SH3GL2: variants seen among roughly 807,000 people sequenced by gnomAD.
SH3GL2 encodes SH3 domain containing GRB2 like 2, endophilin A1.
SH3GL2 carries 24 observed loss-of-function variants against 46.0 expected under a neutral mutation model. The observed-to-expected ratio is 0.52, with a 90% CI of 0.38 to 0.73. The LOEUF (loss-of-function observed/expected upper bound fraction) is 0.73, where lower values mean the gene tolerates loss of function less well. SH3GL2 is among the 30% of genes least tolerant of loss of function. The pLI is 0.00. For synonymous variants in SH3GL2, 196 were observed against 147.1 expected, an observed-to-expected ratio of 1.33 and a Z score of -2.40; for missense variants, 413 against 424.2, an observed-to-expected ratio of 0.97 and a Z score of 0.23.
At chr9:17,760,156 A>G (rs1014275066) in intron 2 of SH3GL2, among the ~76,000 whole-genome samples, 4 of 152,308 alleles carry the variant, frequency 2.6e-5, no homozygotes, top group Non-Finnish European at 2.9e-5. Context: ...TGAATCAATC[A>G]AAAGGATATT....
chr9:17,694,299 A>G (rs1407842472), intron 1 of SH3GL2, among the ~76,000 whole-genome samples: 2 of 152,156 alleles, frequency 1.3e-5, no homozygotes, highest in Non-Finnish European at 2.9e-5. Context: ...CATCTTCACA[A>G]TGGCGGAGCA....
At chr9:17,667,844 A>G (rs11999724) in intron 1 of SH3GL2, among the ~76,000 whole-genome samples, 4,756 of 152,234 alleles carry the variant, frequency 0.031, 141 homozygotes, top group African/African-American at 0.075. Context: ...GACTATAACC[A>G]TCTTATTGGG....
In SH3GL2 at chr9:17,786,379, A is replaced by G; in HGVS notation, c.188-2A>G. 1.2e-6 allele frequency: 2 copies of G among 1,604,304 alleles called. No individual in the cohort carries two copies. Among genetic ancestry groups the G allele is most frequent in the Non-Finnish European group, 1.7e-6 (2 of 1,176,836 alleles). ...GAAAGCTTGTTCTCTCTTCACCTTC[A>G]GCTTCCAGAGCTAAGCTCAGCATGA... On this transcript the variant is annotated splice_acceptor_variant, in intron 3 of 8. Coordinates refer to ENST00000380607, the MANE Select transcript of SH3GL2 (RefSeq NM_003026.5). LOFTEE classifies it high-confidence loss of function.
chr9:17,746,506 G>A (rs1822691856), intron 1 of SH3GL2, among the ~76,000 whole-genome samples: 1 of 152,196 alleles, frequency 6.6e-6, no homozygotes. Context: ...CTTTCTATAT[G>A]TTTTGGCTTA....
At chr9:17,762,778 C>G (rs149634121) in intron 3 of SH3GL2, among the ~76,000 whole-genome samples, 17 of 152,300 alleles carry the variant, frequency 1.1e-4, no homozygotes, top group African/African-American at 3.8e-4. Context: ...CCAGAACCTT[C>G]TTGGTAACCA....
At chr9:17,697,795 G>A (rs1821245866) in intron 1 of SH3GL2, among the ~76,000 whole-genome samples, 1 of 152,164 alleles carries the variant, frequency 6.6e-6, no homozygotes, top group Admixed American at 6.5e-5. Flanking sequence ...TGCTAGGATT[G>A]TAACCCTGAT....
At chr9:17,781,910 A>G (rs1488842468) in intron 3 of SH3GL2, among the ~76,000 whole-genome samples, 2 of 152,058 alleles carry the variant, frequency 1.3e-5, no homozygotes, top group Admixed American at 6.6e-5. Context: ...TTAATACATT[A>G]CAGCCTCACC....
chr9:17,616,879 A>G (rs1049926365), intron 1 of SH3GL2, among the ~76,000 whole-genome samples: 2 of 152,190 alleles, frequency 1.3e-5, no homozygotes, highest in Non-Finnish European at 2.9e-5. Flanking sequence ...CAGTCAGCGT[A>G]GTATAAAAGG....
At chr9:17,686,917 TACCCTA>T (rs373251514) in intron 1 of SH3GL2, among the ~76,000 whole-genome samples, 2,010 of 140,594 alleles carry the variant, frequency 0.014, 58 homozygotes, top group African/African-American at 0.051. Context: ...TGTGCACATG[TACCCTA>T]AAACTTAAAG....
intron 1 of SH3GL2, among the ~76,000 whole-genome samples, chr9:17,620,464 C>A (rs1004125735): frequency 6.6e-6 from 1 of 152,136 alleles, no homozygotes; most frequent in Non-Finnish European, 1.5e-5. Context: ...ATTATTGTAT[C>A]CATTTAACTG....
chr9:17,626,729 G>T (rs1458939845), intron 1 of SH3GL2, among the ~76,000 whole-genome samples: 1 of 152,164 alleles, frequency 6.6e-6, no homozygotes, highest in Non-Finnish European at 1.5e-5. Context: ...GCTTTCTGCA[G>T]ATTCTTGTGG....
chr9:17,608,202 C>T (rs946708853), intron 1 of SH3GL2, among the ~76,000 whole-genome samples: 2 of 130,612 alleles, frequency 1.5e-5, no homozygotes, highest in East Asian at 2.3e-4. Flanking sequence ...GGCTGGAGTG[C>T]AGTGGCACAA....
chr9:17,641,757 A>G (rs547984660), intron 1 of SH3GL2, among the ~76,000 whole-genome samples: 12 of 152,296 alleles, frequency 7.9e-5, no homozygotes, highest in African/African-American at 2.6e-4. Flanking sequence ...ATGTCCCTGC[A>G]AAGGATATGA....
chr9:17,718,480 T>C (rs929179133), intron 1 of SH3GL2, among the ~76,000 whole-genome samples: 4 of 152,136 alleles, frequency 2.6e-5, no homozygotes, highest in South Asian at 2.1e-4. Flanking sequence ...TGCCACACTT[T>C]GGGACGCCAA....
chr9:17,787,085 G>A (rs1823980613), intron 4 of SH3GL2, among the ~76,000 whole-genome samples: 1 of 152,110 alleles, frequency 6.6e-6, no homozygotes, highest in Admixed American at 6.5e-5. Flanking sequence ...TAATAGATTT[G>A]CCTTAAGCTA....
chr9:17,748,505 A>G lies in SH3GL2; in HGVS notation c.114+1371A>G, dbSNP rs371509873. Reference sequence around the variant, plus strand: ...CTGCCTCAGTTTTGCTGTTTTTACTATGTTTGCATGAAGAGTCAAACAAAA... The same window carrying G: ...CTGCCTCAGTTTTGCTGTTTTTACTGTGTTTGCATGAAGAGTCAAACAAAA... On this transcript the variant is annotated intron_variant, in intron 2 of 8. Transcript: ENST00000380607. 9.7e-4 allele frequency among the ~76,000 whole-genome samples: 147 copies of G among 152,206 alleles called. 1 individual carries two copies. In the South Asian group the frequency reaches 0.029, roughly 30 times the overall value.
At chr9:17,755,304 G>A (rs1452111315) in intron 2 of SH3GL2, among the ~76,000 whole-genome samples, 3 of 152,164 alleles carry the variant, frequency 2.0e-5, no homozygotes, top group Non-Finnish European at 2.9e-5. Context: ...ATTTGCATAT[G>A]TTGAACCAAC....
intron 3 of SH3GL2, among the ~76,000 whole-genome samples, chr9:17,775,457 G>C (rs930916701): frequency 3.3e-5 from 5 of 152,164 alleles, no homozygotes; most frequent in Non-Finnish European, 7.3e-5. Context: ...TGCAAGGCTG[G>C]ATGATGTGTA....
intron 2 of SH3GL2, among the ~76,000 whole-genome samples, chr9:17,760,277 G>A (rs1020885068): frequency 2.0e-5 from 3 of 151,998 alleles, no homozygotes; most frequent in African/African-American, 7.2e-5. Context: ...GTTGATCCTA[G>A]TAATAGCAAA....
Sources: allele counts gnomAD v4.1 joint callset (sites outside exome capture counted in the v4.1 genomes callset), GRCh38; gene constraint gnomAD v4.1.1; transcripts MANE v1.5; gene names NCBI Gene and HGNC (gene_info 2026-07-23, HGNC 2026-07-21).